Variants in PDE1C observed in about 807,000 individuals in gnomAD.
PDE1C encodes the protein dual specificity calcium/calmodulin-dependent 3',5'-cyclic nucleotide phosphodiesterase 1C.
Under a neutral mutation model 93.1 loss-of-function variants are expected in PDE1C, and 62 were observed. The ratio of observed to expected loss-of-function variants is 0.67; its 90% CI spans 0.54 to 0.82. The LOEUF (loss-of-function observed/expected upper bound fraction) is 0.82. PDE1C is among the 40% of genes least tolerant of loss of function. The pLI is 0.00. For synonymous variants in PDE1C, 325 were observed against 310.1 expected, an observed-to-expected ratio of 1.05 and a Z score of -0.50; for missense variants, 742 against 884.6, an observed-to-expected ratio of 0.84 and a Z score of 2.04.
At chr7:32,003,987 C>T (rs553780465) in intron 2 of PDE1C, among the ~76,000 whole-genome samples, 39 of 152,206 alleles carry the variant, frequency 2.6e-4, no homozygotes, top group African/African-American at 8.2e-4. Context: ...AAAGGGGCAT[C>T]TGTGAAGACT....
the PDE1C span, among the ~76,000 whole-genome samples, chr7:31,713,931 C>T: frequency 6.6e-6 from 1 of 152,202 alleles, no homozygotes; most frequent in South Asian, 2.1e-4. Flanking sequence ...CGTCTCCAAA[C>T]CTGTGAGATG....
chr7:32,385,925 G>A (rs1784617431), intron 1 of PDE1C, among the ~76,000 whole-genome samples: 2 of 152,104 alleles, frequency 1.3e-5, no homozygotes, highest in Non-Finnish European at 2.9e-5. Context: ...CAAGCTACTG[G>A]TCTGGGCTCC....
At chr7:32,070,659 G>T, upstream of PDE1C, 1 of 1,353,952 alleles carries the variant, frequency 7.4e-7, no homozygotes, top group Non-Finnish European at 9.5e-7. Context: ...CACAGGGATA[G>T]GGATAGAGAT....
At chr7:32,050,122 C>A (rs527703732) in intron 2 of PDE1C, among the ~76,000 whole-genome samples, 15 of 152,314 alleles carry the variant, frequency 9.8e-5, no homozygotes, top group African/African-American at 3.6e-4. Context: ...CATTGTACTA[C>A]AATGTTACTG....
the PDE1C span, among the ~76,000 whole-genome samples, chr7:31,693,491 C>A: frequency 2.0e-5 from 3 of 152,184 alleles, no homozygotes; most frequent in South Asian, 6.2e-4. Context: ...CCATAACCTG[C>A]CAGCAGTGTA....
At chr7:32,088,141 C>CT (rs1461661499) in intron 3 of PDE1C, among the ~76,000 whole-genome samples, 1 of 151,998 alleles carries the variant, frequency 6.6e-6, no homozygotes, top group Non-Finnish European at 1.5e-5. Flanking sequence ...CCATTACTGT[C>CT]TCGCACTGGA....
intron 1 of PDE1C, among the ~76,000 whole-genome samples, chr7:32,241,203 G>A (rs73306623): frequency 0.32 from 48,929 of 152,084 alleles, 8,861 homozygotes; most frequent in African/African-American, 0.49. Context: ...GGCTACAGTA[G>A]TCAGCCTGCA....
chr7:32,198,016 T>C (rs1401895334), intron 2 of PDE1C, among the ~76,000 whole-genome samples: 2 of 152,198 alleles, frequency 1.3e-5, no homozygotes, highest in African/African-American at 4.8e-5. Context: ...GCAATCATCT[T>C]AATATTCATT....
intron 2 of PDE1C, among the ~76,000 whole-genome samples, chr7:32,017,761 T>C (rs559002128): frequency 1.6e-4 from 25 of 152,190 alleles, no homozygotes; most frequent in African/African-American, 5.3e-4. Context: ...TCAACATCAT[T>C]ACCCCTGAAG....
intron 2 of PDE1C, among the ~76,000 whole-genome samples, chr7:31,969,988 G>A (rs140793317): frequency 0.022 from 3,293 of 152,064 alleles, 40 homozygotes; most frequent in African/African-American, 0.026. Flanking sequence ...TCTGGGGACT[G>A]TTGTGGGGTT....
At chr7:32,012,374 G>GA (rs1037581790) in intron 2 of PDE1C, among the ~76,000 whole-genome samples, 1 of 152,106 alleles carries the variant, frequency 6.6e-6, no homozygotes, top group Non-Finnish European at 1.5e-5. Flanking sequence ...CACTGAGTGA[G>GA]AACTCACTCA....
the PDE1C span, among the ~76,000 whole-genome samples, chr7:31,732,052 A>C: frequency 6.6e-6 from 1 of 152,164 alleles, no homozygotes; most frequent in Non-Finnish European, 1.5e-5. Flanking sequence ...ATGCTCCCAC[A>C]CCCACTCAGA....
chr7:31,702,120 T>A, the PDE1C span, among the ~76,000 whole-genome samples: 1 of 152,200 alleles, frequency 6.6e-6, no homozygotes, highest in Non-Finnish European at 1.5e-5. Flanking sequence ...GTCTTATTAG[T>A]TTAGTCATTC....
At chr7:31,933,541 G>A (rs1185114932) in intron 2 of PDE1C, among the ~76,000 whole-genome samples, 2 of 152,154 alleles carry the variant, frequency 1.3e-5, no homozygotes, top group Non-Finnish European at 2.9e-5. Flanking sequence ...CAAGTGCATT[G>A]TGTAACAGTT....
chr7:31,941,802 C>T (rs1160554148), intron 2 of PDE1C, among the ~76,000 whole-genome samples: 1 of 152,152 alleles, frequency 6.6e-6, no homozygotes, highest in Non-Finnish European at 1.5e-5. Flanking sequence ...AAGAGTTTGT[C>T]ACTTGTGATA....
At chr7:32,374,306 A>G (rs1482363767) in intron 1 of PDE1C, among the ~76,000 whole-genome samples, 2 of 149,092 alleles carry the variant, frequency 1.3e-5, no homozygotes, top group Admixed American at 1.3e-4. Flanking sequence ...AAAGAAAGAA[A>G]GAAGAAAAGA....
At chr7:32,117,378 T>C (rs577774777) in intron 3 of PDE1C, among the ~76,000 whole-genome samples, 2 of 152,238 alleles carry the variant, frequency 1.3e-5, no homozygotes, top group Non-Finnish European at 2.9e-5. Flanking sequence ...AGATTCCTTC[T>C]GGGCCTCAGG....
intron 17 of PDE1C, among the ~76,000 whole-genome samples, chr7:31,772,543 T>G (rs532930536): frequency 6.6e-6 from 1 of 152,160 alleles, no homozygotes; most frequent in East Asian, 1.9e-4. Context: ...CAGAGTTGTT[T>G]GTCTCTGGCA....
chr7:31,618,484 T>C, the PDE1C span, among the ~76,000 whole-genome samples: 1 of 152,150 alleles, frequency 6.6e-6, no homozygotes, highest in Admixed American at 6.5e-5. Flanking sequence ...AAATATTTCT[T>C]TCCTGATCCA....
Sources: allele counts gnomAD v4.1 joint callset (sites outside exome capture counted in the v4.1 genomes callset), GRCh38; gene constraint gnomAD v4.1.1; transcripts MANE v1.5; gene names NCBI Gene and HGNC (gene_info 2026-07-23, HGNC 2026-07-21).